SPAG16: variants seen among roughly 807,000 people sequenced by gnomAD.
SPAG16 encodes sperm associated antigen 16, also known as sperm-associated antigen 16 protein.
A neutral mutation model predicts 80.4 loss-of-function variants in SPAG16; 86 were observed. That is an observed-to-expected ratio of 1.07 (90% CI 0.90 to 1.28). The LOEUF (loss-of-function observed/expected upper bound fraction) is 1.28, where lower values mean the gene tolerates loss of function less well. Ranked by LOEUF, SPAG16 falls within the 50% of genes most tolerant of loss-of-function variation. The pLI, the probability that SPAG16 is intolerant of heterozygous loss-of-function variation, is 0.00. For missense variants in SPAG16, 870 were observed against 765.3 expected (o/e 1.14, Z -1.61); for synonymous variants, 294 against 265.9 (o/e 1.11, Z -1.03).
At chr2:214,214,091 T>C (rs1187392868) in intron 15 of SPAG16, among the ~76,000 whole-genome samples, 3 of 152,170 alleles carry the variant, frequency 2.0e-5, no homozygotes, top group African/African-American at 7.2e-5. Flanking sequence ...AATATTTTTT[T>C]ATTCTATGGA....
At chr2:213,908,931 C>T (rs150080300) in intron 11 of SPAG16, among the ~76,000 whole-genome samples, 5 of 150,914 alleles carry the variant, frequency 3.3e-5, no homozygotes, top group Non-Finnish European at 7.4e-5. Context: ...TCCTCCCCCC[C>T]ACCACACAAC....
intron 15 of SPAG16, among the ~76,000 whole-genome samples, chr2:214,228,360 GTAATT>G (rs1688428282): frequency 6.6e-6 from 1 of 151,794 alleles, no homozygotes; most frequent in African/African-American, 2.4e-5. Context: ...AGCTGATCAA[GTAATT>G]TATCATGTTA....
chr2:214,131,918 C>T (rs995401679), intron 14 of SPAG16, among the ~76,000 whole-genome samples: 14 of 151,946 alleles, frequency 9.2e-5, no homozygotes, highest in African/African-American at 3.1e-4. Flanking sequence ...AGAGTGAACC[C>T]TAATGTAAAC....
intron 10 of SPAG16, among the ~76,000 whole-genome samples, chr2:213,518,525 G>A (rs1286166976): frequency 6.6e-6 from 1 of 152,142 alleles, no homozygotes; most frequent in Non-Finnish European, 1.5e-5. Context: ...GAAGTGCTGG[G>A]ATTACAGGCA....
intron 10 of SPAG16, among the ~76,000 whole-genome samples, chr2:213,722,840 G>A (rs975255947): frequency 1.3e-5 from 2 of 152,042 alleles, no homozygotes; most frequent in Non-Finnish European, 2.9e-5. Flanking sequence ...AAAAATAGGT[G>A]CCCAGAATTC....
intron 15 of SPAG16, among the ~76,000 whole-genome samples, chr2:214,384,565 C>A (rs1227823920): frequency 1.3e-5 from 2 of 152,168 alleles, no homozygotes; most frequent in African/African-American, 2.4e-5. Flanking sequence ...TCCTCCCTAT[C>A]CCATGAATAA....
chr2:213,354,792 A>T (rs899829925), intron 7 of SPAG16, among the ~76,000 whole-genome samples: 1 of 152,014 alleles, frequency 6.6e-6, no homozygotes, highest in South Asian at 2.1e-4. Flanking sequence ...GATGGCAAAA[A>T]TTTTCTCCCA....
intron 4 of SPAG16, among the ~76,000 whole-genome samples, chr2:213,311,303 A>G (rs985210994): frequency 1.3e-5 from 2 of 151,738 alleles, no homozygotes; most frequent in Non-Finnish European, 3.0e-5. Flanking sequence ...AAGTAGGTAG[A>G]TGATTAATTT....
intron 7 of SPAG16, among the ~76,000 whole-genome samples, chr2:213,356,976 G>T (rs182338940): frequency 6.6e-6 from 1 of 151,954 alleles, no homozygotes; most frequent in Non-Finnish European, 1.5e-5. Flanking sequence ...TTCAAAGAAC[G>T]TCTTTATTTC....
intron 15 of SPAG16, among the ~76,000 whole-genome samples, chr2:214,191,873 C>T (rs554653695): frequency 2.6e-5 from 4 of 151,978 alleles, no homozygotes; most frequent in South Asian, 4.2e-4. Context: ...CAAGGGAACA[C>T]GTACAATTTG....
intron 10 of SPAG16, among the ~76,000 whole-genome samples, chr2:213,860,020 A>ATGATGATGATGATG: frequency 6.6e-6 from 1 of 151,998 alleles, no homozygotes. Context: ...GATGATGATG[A>ATGATGATGATGATG]CAGTTATGTC....
At chr2:213,832,913 T>A (rs1195054530) in intron 10 of SPAG16, among the ~76,000 whole-genome samples, 1 of 152,096 alleles carries the variant, frequency 6.6e-6, no homozygotes, top group Non-Finnish European at 1.5e-5. Flanking sequence ...AGGAAAGGTA[T>A]CAAACCATTC....
At chr2:214,175,332 G>T (rs1272977553) in intron 15 of SPAG16, among the ~76,000 whole-genome samples, 1 of 105,476 alleles carries the variant, frequency 9.5e-6, no homozygotes, top group Non-Finnish European at 2.3e-5. Flanking sequence ...TATATATAAA[G>T]AAATATATAT....
chr2:214,379,417 T>C (rs1234688146), intron 15 of SPAG16, among the ~76,000 whole-genome samples: 2 of 152,232 alleles, frequency 1.3e-5, no homozygotes, highest in Non-Finnish European at 2.9e-5. Context: ...TAGGGAAATA[T>C]GATTCCCAAG....
chr2:213,359,274 G>A (rs974344389), intron 7 of SPAG16, among the ~76,000 whole-genome samples: 11 of 152,192 alleles, frequency 7.2e-5, no homozygotes, highest in African/African-American at 1.9e-4. Flanking sequence ...CTCAGAGCTC[G>A]AATGCCATGC....
intron 10 of SPAG16, among the ~76,000 whole-genome samples, chr2:213,714,623 A>G (rs1292578690): frequency 6.6e-6 from 1 of 152,208 alleles, no homozygotes; most frequent in Non-Finnish European, 1.5e-5. Flanking sequence ...AAGAAAAATA[A>G]TGAACAAGCA....
At chr2:214,176,479 A>G (rs1353875654) in intron 15 of SPAG16, among the ~76,000 whole-genome samples, 4 of 151,344 alleles carry the variant, frequency 2.6e-5, no homozygotes, top group African/African-American at 9.7e-5. Flanking sequence ...CAAGTAGGCT[A>G]CTAAGCGGTC....
intron 10 of SPAG16, among the ~76,000 whole-genome samples, chr2:213,802,178 T>C (rs985379844): frequency 6.6e-6 from 1 of 152,124 alleles, no homozygotes; most frequent in Non-Finnish European, 1.5e-5. Flanking sequence ...TGAGAGATGA[T>C]AAGGGGAGGA....
chr2:213,995,550 T>G (rs950297198), intron 12 of SPAG16, among the ~76,000 whole-genome samples: 2 of 152,206 alleles, frequency 1.3e-5, no homozygotes, highest in Non-Finnish European at 2.9e-5. Flanking sequence ...GAAGTCAAGC[T>G]AATTTAGACA....
Sources: allele counts gnomAD v4.1 joint callset (sites outside exome capture counted in the v4.1 genomes callset), GRCh38; gene constraint gnomAD v4.1.1; transcripts MANE v1.5; gene names NCBI Gene and HGNC (gene_info 2026-07-23, HGNC 2026-07-21).